Variants in PPP2R2C observed in about 807,000 individuals in gnomAD.
PPP2R2C encodes protein phosphatase 2 regulatory subunit Bgamma.
A neutral mutation model predicts 45.3 loss-of-function variants in PPP2R2C; 10 were observed. The observed-to-expected ratio is 0.22, with a 90% CI of 0.14 to 0.37. The LOEUF (loss-of-function observed/expected upper bound fraction) is 0.37. Ranked by LOEUF, PPP2R2C falls within the 10% of genes least tolerant of loss-of-function variation. The pLI, the probability that PPP2R2C is intolerant of heterozygous loss-of-function variation, is 1.00. For synonymous variants in PPP2R2C, 257 were observed against 245.4 expected, an observed-to-expected ratio of 1.05 and a Z score of -0.44; for missense variants, 308 against 619.7, an observed-to-expected ratio of 0.50 and a Z score of 5.34.
intron 1 of PPP2R2C, chr4:6,384,569 A>G: frequency 1.0e-6 from 1 of 984,174 alleles, no homozygotes. Flanking sequence ...GGGTGGGCAT[A>G]CACACAGTGT....
Position 6,421,260 on chromosome 4 carries a change from C to G in PPP2R2C, c.71-40166G>C, listed in dbSNP as rs1450895685. 4 of 442,666 alleles carry G rather than the reference C, an allele frequency of 9.0e-6. 1 individual carries two copies. In the Admixed American group the frequency reaches 2.6e-4, roughly 28 times the overall value. 27.4% of individuals were successfully genotyped at this position (442,666 alleles called of 1,614,324 possible). On this transcript the variant is annotated intron_variant, in intron 1 of 8. Transcript: ENST00000382599. ...AGGGCTGTGCATTCAATCATGGTCG[C>G]ACTGGCTGGCCCCTGAAGGCCGTGC...
intron 1 of PPP2R2C, among the ~76,000 whole-genome samples, chr4:6,452,029 T>C (rs1017055777): frequency 6.6e-6 from 1 of 151,746 alleles, no homozygotes; most frequent in African/African-American, 2.4e-5. Flanking sequence ...GCTTCCAACT[T>C]CTCCCAAACC....
intron 1 of PPP2R2C, among the ~76,000 whole-genome samples, chr4:6,409,692 A>G (rs7439007): frequency 0.32 from 48,788 of 151,922 alleles, 8,461 homozygotes; most frequent in East Asian, 0.69. Flanking sequence ...ACCCCCCCAT[A>G]TCCCAGCCCT....
chr4:6,329,094 C>T lies in PPP2R2C; in HGVS notation c.1052+168G>A, dbSNP rs556211163. On this transcript the variant is annotated intron_variant, in intron 8 of 8. Transcript: ENST00000382599. This position sits in a 1 kb window ranked among gnomAD's most constrained non-coding sequence, Gnocchi z 5.8. Reference sequence around the variant, plus strand: ...TCATGTCCTGCCCCTTGAATCTGAGCGCTGAGAGTTGGACCTGCTCTGGAA... The same window carrying T: ...TCATGTCCTGCCCCTTGAATCTGAGTGCTGAGAGTTGGACCTGCTCTGGAA... 1.2e-4 allele frequency among the ~76,000 whole-genome samples: 18 copies of T among 152,310 alleles called. No homozygotes were observed. The highest frequency in any genetic ancestry group is 3.4e-3 in the Middle Eastern group (1 of 294).
rs1317874932 is a variant in PPP2R2C, at chr4:6,471,197, C to G, written c.70+963G>C. On this transcript the variant is annotated intron_variant, in intron 1 of 8. Transcript: ENST00000382599. The surrounding 1 kb of genome is among the most constrained non-coding windows in gnomAD (Gnocchi z 5.6). Reference sequence around the variant, plus strand: ...GGGGAATCCGCGCACACTTCTGCGGCCGGGCCGCCAGCCCGTGGGTTAGCG... The same window carrying G: ...GGGGAATCCGCGCACACTTCTGCGGGCGGGCCGCCAGCCCGTGGGTTAGCG... 6.6e-6 allele frequency among the ~76,000 whole-genome samples: 1 copy of G among 152,206 alleles called. No homozygotes were observed. Among genetic ancestry groups the G allele is most frequent in the Non-Finnish European group, 1.5e-5 (1 of 68,018 alleles).
chr4:6,408,083 T>C (rs1234344500), intron 1 of PPP2R2C, among the ~76,000 whole-genome samples: 1 of 152,230 alleles, frequency 6.6e-6, no homozygotes, highest in Non-Finnish European at 1.5e-5. Context: ...CTATCAGAAG[T>C]TTTAAAACTA....
At chr4:6,397,247 G>C (rs938933281) in intron 1 of PPP2R2C, among the ~76,000 whole-genome samples, 2 of 152,208 alleles carry the variant, frequency 1.3e-5, no homozygotes, top group Non-Finnish European at 2.9e-5. Flanking sequence ...GCACAGCAGA[G>C]ACCAGGACAG....
At chr4:6,546,963 C>G (rs4234759) in intron 1 of PPP2R2C, among the ~76,000 whole-genome samples, 1 of 152,158 alleles carries the variant, frequency 6.6e-6, no homozygotes, top group Non-Finnish European at 1.5e-5. Flanking sequence ...CAACAGCTAA[C>G]GGCCCCCAAG....
chr4:6,442,421 G>T (rs552512602), intron 1 of PPP2R2C, among the ~76,000 whole-genome samples: 1 of 152,350 alleles, frequency 6.6e-6, no homozygotes, highest in East Asian at 1.9e-4. Flanking sequence ...AACTGCCCTT[G>T]GCCACGTGCT....
rs1194650065 is a variant in PPP2R2C at position 6,321,226 on chromosome 4, T to A, written c.*2076A>T. The stretch of plus-strand genomic sequence containing the variant: ...AGTAACCTCTAGCTGCAAATACAAG[T>A]TTCTTCTCTTAACATTTGACTCACA... On this transcript the variant is annotated 3_prime_UTR_variant, in exon 9 of 9. Coordinates refer to ENST00000382599, the MANE Select transcript of PPP2R2C (RefSeq NM_020416.4). The A allele has an allele frequency of 1.3e-5, 2 of 152,354 alleles. No individual in the cohort carries two copies. Among genetic ancestry groups the A allele is most frequent in the Non-Finnish European group, 2.9e-5 (2 of 68,036 alleles). 9.4% of individuals were successfully genotyped at this position (152,354 alleles called of 1,614,324 possible). A position where few individuals can be genotyped will look rare whatever the true frequency, so the allele number is the denominator to read the frequency against.
chr4:6,452,826 C>T (rs1447151563), intron 1 of PPP2R2C, among the ~76,000 whole-genome samples: 2 of 152,204 alleles, frequency 1.3e-5, no homozygotes, highest in Non-Finnish European at 2.9e-5. Flanking sequence ...GAGTTCTTGG[C>T]CCAAAGGCCA....
At chr4:6,412,436 G>A (rs1014488074) in intron 1 of PPP2R2C, among the ~76,000 whole-genome samples, 2 of 152,154 alleles carry the variant, frequency 1.3e-5, no homozygotes, top group African/African-American at 2.4e-5. Context: ...TATCACAGGG[G>A]CTCACCCCTC....
intron 1 of PPP2R2C, among the ~76,000 whole-genome samples, chr4:6,401,277 G>A (rs1220949989): frequency 6.6e-5 from 10 of 152,116 alleles, no homozygotes; most frequent in East Asian, 1.9e-4. Flanking sequence ...AAGCAGTTTC[G>A]CCAAAGCAAC....
At chr4:6,432,452 G>C (rs562373369) in intron 1 of PPP2R2C, among the ~76,000 whole-genome samples, 1 of 152,254 alleles carries the variant, frequency 6.6e-6, no homozygotes, top group Admixed American at 6.5e-5. Context: ...CTGCTGCCTC[G>C]TTTCCCCCTC....
chr4:6,463,057 C>T (rs1226552694), intron 1 of PPP2R2C, among the ~76,000 whole-genome samples: 1 of 152,164 alleles, frequency 6.6e-6, no homozygotes, highest in Non-Finnish European at 1.5e-5. Flanking sequence ...AGAAGTGGCA[C>T]AAATTTGAAA....
At chr4:6,511,567 G>T (rs201869434) in intron 2 of PPP2R2C, among the ~76,000 whole-genome samples, 1 of 75,092 alleles carries the variant, frequency 1.3e-5, no homozygotes, top group African/African-American at 5.5e-5. Flanking sequence ...GGTGGTGGTG[G>T]TGGTGATGGC....
intron 1 of PPP2R2C, among the ~76,000 whole-genome samples, chr4:6,463,906 T>C (rs1165228538): frequency 2.0e-5 from 3 of 152,178 alleles, no homozygotes; most frequent in African/African-American, 4.8e-5. Context: ...CCAAGCCAGG[T>C]AGTCTAGTTC....
At chr4:6,493,817 T>G (rs2108787892) in intron 2 of PPP2R2C, among the ~76,000 whole-genome samples, 3 of 152,282 alleles carry the variant, frequency 2.0e-5, no homozygotes, top group Middle Eastern at 3.4e-3. Context: ...GTTTTCTCTT[T>G]CTGTCGACTC....
chr4:6,425,885 A>T lies in PPP2R2C; in HGVS notation c.71-44791T>A, dbSNP rs185315085. Reference sequence around the variant, plus strand: ...TGTGGGGTGTGTGTGTGTGGTGTGTATGTGGTGTATGTGTGTGCATGCACA... The same window carrying T: ...TGTGGGGTGTGTGTGTGTGGTGTGTTTGTGGTGTATGTGTGTGCATGCACA... On this transcript the variant is annotated intron_variant, in intron 1 of 8. Transcript: ENST00000382599. Among the ~76,000 whole-genome samples the T allele has an allele frequency of 4.5e-3, 672 of 149,110 alleles. 4 individuals carry two copies. The highest frequency in any genetic ancestry group is 0.015 in the African/African-American group (625 of 40,410).
Sources: gnomAD v4.1 joint callset for allele counts (sites outside exome capture counted in the v4.1 genomes callset) on GRCh38, gnomAD v4.1.1 for gene constraint, Gnocchi (gnomAD v3.1) non-coding constraint, MANE v1.5 for transcripts, NCBI Gene and HGNC (gene_info 2026-07-23, HGNC 2026-07-21) for gene names.